The following FGF14 variants were observed in gnomAD, a reference collection of about 807,000 sequenced individuals.
The protein encoded by FGF14 is fibroblast growth factor homologous factor 4.
Under a neutral mutation model 25.5 loss-of-function variants are expected in FGF14, and 5 were observed. The observed-to-expected ratio is 0.20, with a 90% CI of 0.10 to 0.41. The LOEUF (loss-of-function observed/expected upper bound fraction) is 0.41, where lower values mean the gene tolerates loss of function less well. FGF14 is among the 10% of genes least tolerant of loss of function. FGF14 has a pLI of 1.00. For missense variants in FGF14, 222 were observed against 320.1 expected (o/e 0.69, Z 2.34); for synonymous variants, 138 against 118.3 (o/e 1.17, Z -1.08).
At chr13:102,221,698 CAA>C (rs1189560521) in intron 1 of FGF14, among the ~76,000 whole-genome samples, 2 of 151,982 alleles carry the variant, frequency 1.3e-5, no homozygotes, top group African/African-American at 4.8e-5. Flanking sequence ...AGATAATTTA[CAA>C]AGAGGTGAGA....
chr13:102,387,666 T>C (rs1450062774), intron 1 of FGF14, among the ~76,000 whole-genome samples: 1 of 152,168 alleles, frequency 6.6e-6, no homozygotes, highest in African/African-American at 2.4e-5. Flanking sequence ...GGTGTACAGA[T>C]TATTTTCTCA....
At chr13:101,821,957 A>G (rs1270779090) in intron 3 of FGF14, among the ~76,000 whole-genome samples, 1 of 152,206 alleles carries the variant, frequency 6.6e-6, no homozygotes, top group Non-Finnish European at 1.5e-5. Flanking sequence ...TGCAGATATC[A>G]TCTTTTCACT....
chr13:102,010,269 C>T (rs534765171), intron 1 of FGF14, among the ~76,000 whole-genome samples: 106 of 151,972 alleles, frequency 7.0e-4, no homozygotes, highest in African/African-American at 2.4e-3. Flanking sequence ...GATGTGAAAC[C>T]ATCAACCCAA....
intron 1 of FGF14, among the ~76,000 whole-genome samples, chr13:102,278,151 C>T (rs1177568259): frequency 6.6e-6 from 1 of 152,172 alleles, no homozygotes; most frequent in Non-Finnish European, 1.5e-5. Flanking sequence ...AGCTAAAATC[C>T]TTTAGATGAT....
chr13:101,951,646 A>C (rs185946316), intron 1 of FGF14, among the ~76,000 whole-genome samples: 20 of 152,252 alleles, frequency 1.3e-4, no homozygotes, highest in Non-Finnish European at 2.5e-4. Flanking sequence ...TTGATTTTCA[A>C]ACTAGTTGAT....
At chr13:102,303,563 G>A (rs2055197272) in intron 1 of FGF14, among the ~76,000 whole-genome samples, 2 of 152,082 alleles carry the variant, frequency 1.3e-5, no homozygotes, top group African/African-American at 4.8e-5. Context: ...CCATCTATCA[G>A]GTTCATTCAG....
chr13:102,388,455 C>G (rs529101156), intron 1 of FGF14, among the ~76,000 whole-genome samples: 1 of 152,180 alleles, frequency 6.6e-6, no homozygotes, highest in East Asian at 1.9e-4. Context: ...TTCCAAAAGT[C>G]GATGGAGGCC....
chr13:102,232,211 A>G (rs2051116208), intron 1 of FGF14, among the ~76,000 whole-genome samples: 1 of 152,176 alleles, frequency 6.6e-6, no homozygotes, highest in African/African-American at 2.4e-5. Flanking sequence ...TAAATGTTTA[A>G]CATGTTTTTA....
chr13:101,712,288 C>G lies in FGF14; in HGVS notation c.*10543G>C, dbSNP rs1243579336. The G allele has an allele frequency of 6.6e-6, 1 of 152,104 alleles. No homozygotes were observed. The highest frequency in any genetic ancestry group is 1.5e-5 in the Non-Finnish European group (1 of 68,022). 9.4% of individuals were successfully genotyped at this position (152,104 alleles called of 1,614,324 possible). A position where few individuals can be genotyped will look rare whatever the true frequency, so the allele number is the denominator to read the frequency against. On this transcript the variant is annotated 3_prime_UTR_variant, in exon 5 of 5. Transcript: ENST00000376143. Reference sequence around the variant, plus strand: ...TTTCATGACACATACAAAATCAATCCTCATTTTTTATTCTAAGTATTTCAG... The same window carrying G: ...TTTCATGACACATACAAAATCAATCGTCATTTTTTATTCTAAGTATTTCAG...
At chr13:102,359,496 T>C (rs965750540) in intron 1 of FGF14, among the ~76,000 whole-genome samples, 2 of 152,190 alleles carry the variant, frequency 1.3e-5, no homozygotes, top group Non-Finnish European at 2.9e-5. Flanking sequence ...CCATACATCT[T>C]GCTAGTTTTC....
rs548920948 is a variant in FGF14 at position 102,053,473 on chromosome 13, A to G, written c.209-178177T>C. Among the ~76,000 whole-genome samples, 19 of 152,286 alleles carry G rather than the reference A, an allele frequency of 1.2e-4. No individual in the cohort carries two copies. The South Asian group carries it at 3.9e-3, about 32-fold the overall frequency. On this transcript the variant is annotated intron_variant, in intron 1 of 4. Coordinates refer to the FGF14 transcript ENST00000376131. ...AAATTAAACAACATGTTCCTGAACA[A>G]CCGATCAATTAAAGAACAAATTAAA...
chr13:101,739,089 GTATATA>G (rs113467291), intron 3 of FGF14, among the ~76,000 whole-genome samples: 1 of 114,784 alleles, frequency 8.7e-6, no homozygotes, highest in Admixed American at 9.3e-5. Context: ...TACTTTAACA[GTATATA>G]TATATATATA....
At chr13:102,347,306 C>T (rs1183960442) in intron 1 of FGF14, among the ~76,000 whole-genome samples, 1 of 152,146 alleles carries the variant, frequency 6.6e-6, no homozygotes, top group African/African-American at 2.4e-5. Context: ...GTGAGTAACT[C>T]ATCACAGTAT....
At chr13:102,136,704 GGTTTGAACCAT>G (rs1320522089) in intron 1 of FGF14, among the ~76,000 whole-genome samples, 2 of 150,838 alleles carry the variant, frequency 1.3e-5, no homozygotes, top group East Asian at 3.9e-4. Flanking sequence ...TTAGTCCATA[GGTTTGAACCAT>G]GAAATAATCC....
chr13:102,158,026 T>C (rs1397442585), intron 1 of FGF14, among the ~76,000 whole-genome samples: 1 of 152,128 alleles, frequency 6.6e-6, no homozygotes, highest in African/African-American at 2.4e-5. Flanking sequence ...AAAAAGCAGG[T>C]GCTGGAGAGG....
At chr13:101,959,376 C>A (rs572211889) in intron 1 of FGF14, among the ~76,000 whole-genome samples, 1 of 151,724 alleles carries the variant, frequency 6.6e-6, no homozygotes, top group Non-Finnish European at 1.5e-5. Flanking sequence ...TCTCTCGCTG[C>A]AATGTGTAGT....
intron 1 of FGF14, among the ~76,000 whole-genome samples, chr13:101,944,189 GC>G (rs1196972174): frequency 6.6e-6 from 1 of 152,032 alleles, no homozygotes; most frequent in Admixed American, 6.6e-5. Flanking sequence ...AACTTTCCAA[GC>G]CCAGTTTTCT....
intron 1 of FGF14, among the ~76,000 whole-genome samples, chr13:102,267,379 T>A (rs942036967): frequency 5.3e-5 from 8 of 152,164 alleles, no homozygotes; most frequent in Admixed American, 5.2e-4. Flanking sequence ...CAATGACCAA[T>A]GCAGTGGAGA....
rs1165522879 is a variant in FGF14 at position 101,850,285 on chromosome 13, A to C, written c.408+18440T>G. Among the ~76,000 whole-genome samples the C allele has an allele frequency of 2.6e-4, 29 of 112,398 alleles. 1 individual carries two copies. Among genetic ancestry groups the C allele is most frequent in the African/African-American group, 1.0e-3 (26 of 26,022 alleles). 73.7% of individuals were successfully genotyped at this position (112,398 alleles called of 152,430 possible). ...CCTGCCTCTACTAAAAATCCAAAAA[A>C]AAAAAAAAAAAAAAAAAAAATAGCC... is the stretch of plus-strand genomic sequence containing the variant. On this transcript the variant is annotated intron_variant, in intron 3 of 4. Transcript: ENST00000376143.
Sources: gnomAD v4.1 joint callset for allele counts (sites outside exome capture counted in the v4.1 genomes callset) on GRCh38, gnomAD v4.1.1 for gene constraint, MANE v1.5 for transcripts, NCBI Gene and HGNC (gene_info 2026-07-23, HGNC 2026-07-21) for gene names.